The following FAM151B variants were observed in gnomAD, a reference collection of about 807,000 sequenced individuals.
FAM151B encodes family with sequence similarity 151 member B.
Under a neutral mutation model 31.2 loss-of-function variants are expected in FAM151B, and 24 were observed. That is an observed-to-expected ratio of 0.77 (90% CI 0.56 to 1.08). FAM151B has a LOEUF of 1.08. FAM151B is among the 50% of genes least tolerant of loss of function. The probability of loss-of-function intolerance (pLI) is 0.00; values close to 1 mark genes in which losing one functional copy is unlikely to be tolerated. For missense variants in FAM151B, 293 were observed against 328.6 expected, an observed-to-expected ratio of 0.89 and a Z score of 0.84; for synonymous variants, 105 against 111.4, an observed-to-expected ratio of 0.94 and a Z score of 0.36.
At chr5:80,498,971 A>G in intron 1 of FAM151B, 1 of 209,206 alleles carries the variant, frequency 4.8e-6, no homozygotes, top group Non-Finnish European at 9.9e-6. Context: ...GGTTTTTACG[A>G]AATCTGCATT....
intron 5 of FAM151B, among the ~76,000 whole-genome samples, chr5:80,539,845 A>G (rs978569767): frequency 2.0e-5 from 3 of 151,970 alleles, no homozygotes; most frequent in African/African-American, 7.3e-5. Flanking sequence ...TTATTTTTCA[A>G]AAGTTTTAAA....
chr5:80,502,771 T>C (rs1208267339), intron 2 of FAM151B, among the ~76,000 whole-genome samples: 1 of 152,218 alleles, frequency 6.6e-6, no homozygotes, highest in African/African-American at 2.4e-5. Context: ...CCTAATTCAT[T>C]ATATATCTCA....
intron 1 of FAM151B, among the ~76,000 whole-genome samples, chr5:80,493,673 G>A (rs1476310569): frequency 6.6e-6 from 1 of 152,072 alleles, no homozygotes; most frequent in Admixed American, 6.6e-5. Context: ...ATACACCCTG[G>A]CCTCCTGCAG....
chr5:80,514,658 C>G (rs1228460554), intron 3 of FAM151B, among the ~76,000 whole-genome samples: 1 of 152,010 alleles, frequency 6.6e-6, no homozygotes, highest in Non-Finnish European at 1.5e-5. Flanking sequence ...AGCAACACTT[C>G]AGAAGCACAC....
At chr5:80,537,989 T>C (rs1324538086) in intron 5 of FAM151B, among the ~76,000 whole-genome samples, 1 of 152,080 alleles carries the variant, frequency 6.6e-6, no homozygotes, top group Non-Finnish European at 1.5e-5. Context: ...TAACTACAAT[T>C]GTTAGTTTCT....
intron 5 of FAM151B, among the ~76,000 whole-genome samples, chr5:80,537,617 G>T (rs1420554541): frequency 1.3e-5 from 2 of 152,090 alleles, no homozygotes; most frequent in Non-Finnish European, 2.9e-5. Context: ...CATGTTACAG[G>T]TCTTCCTGTT....
At chr5:80,492,398 T>C (rs1201207626) in intron 1 of FAM151B, among the ~76,000 whole-genome samples, 1 of 152,166 alleles carries the variant, frequency 6.6e-6, no homozygotes, top group Non-Finnish European at 1.5e-5. Context: ...AAGTCAAACT[T>C]AATCTGTAAA....
Position 80,522,040 on chromosome 5 carries a change from A to G in FAM151B, c.573A>G (p.Ile191Met), listed in dbSNP as rs776106459. ...CAATGGTGAAAGAGATGGAATATAT[A>G]TGTAATGAACTAAGTCAGCCTGTAA... Reference protein sequence around the residue: ...SWTMVKEMEYICNELSQPVTF... With the variant: ...SWTMVKEMEYMCNELSQPVTF... The change falls in exon 5 of 6, where the codon ATA becomes ATG. Residue 191 changes from isoleucine to methionine, a missense_variant. Physicochemically the swap from Ile to Met is conservative, Grantham distance 10. Transcript: ENST00000282226. 5.0e-6 allele frequency: 8 copies of G among 1,610,098 alleles called. No individual in the cohort carries two copies. Among genetic ancestry groups the G allele is most frequent in the African/African-American group, 1.3e-5 (1 of 75,034 alleles).
intron 1 of FAM151B, among the ~76,000 whole-genome samples, chr5:80,496,602 C>G (rs1165781604): frequency 1.3e-5 from 2 of 151,988 alleles, no homozygotes; most frequent in Non-Finnish European, 2.9e-5. Context: ...AGAGTGAATT[C>G]TAATGTAAAC....
At chr5:80,538,434 T>TTC (rs1294522504) in intron 5 of FAM151B, among the ~76,000 whole-genome samples, 38 of 57,538 alleles carry the variant, frequency 6.6e-4, no homozygotes, top group African/African-American at 2.3e-3. Context: ...CTTTCTTTCT[T>TTC]TCTTTCTTTC....
chr5:80,529,788 C>G (rs900860876), intron 5 of FAM151B, among the ~76,000 whole-genome samples: 1 of 152,026 alleles, frequency 6.6e-6, no homozygotes, highest in Non-Finnish European at 1.5e-5. Context: ...GACGGATTCA[C>G]AGCTGAATCT....
intron 1 of FAM151B, among the ~76,000 whole-genome samples, chr5:80,496,799 ATTTTTTTTT>A (rs367658683): frequency 5.2e-5 from 3 of 57,762 alleles, no homozygotes; most frequent in Admixed American, 2.9e-4. Flanking sequence ...TTTTTGCTTA[ATTTTTTTTT>A]TTTTTTTTTT....
chr5:80,538,788 G>A (rs1374364568), intron 5 of FAM151B, among the ~76,000 whole-genome samples: 2 of 151,572 alleles, frequency 1.3e-5, no homozygotes, highest in African/African-American at 4.8e-5. Flanking sequence ...TAGTGGAGAC[G>A]GGGTTTTGCT....
intron 1 of FAM151B, chr5:80,500,078 A>G (rs1305577607): frequency 8.3e-6 from 2 of 240,476 alleles, no homozygotes; most frequent in Non-Finnish European, 1.6e-5. Flanking sequence ...CTAAAGAAGA[A>G]TGAGAACTTA....
intron 1 of FAM151B, among the ~76,000 whole-genome samples, chr5:80,496,618 A>C (rs1396934136): frequency 6.6e-6 from 1 of 152,106 alleles, no homozygotes; most frequent in African/African-American, 2.4e-5. Context: ...TAAACTATGG[A>C]CTTTAGTTAA....
In FAM151B at chr5:80,513,574, G is replaced by A. The variant is rs116525011; in HGVS notation, c.152-30G>A. On this transcript the variant is annotated intron_variant, in intron 2 of 5. Transcript: ENST00000282226. Reference sequence around the variant, plus strand: ...TGTAGTTCTGTGCCCTGTTTTCTTAGCATTAACTGAAGTTCTTTTATTTGG... The same window carrying A: ...TGTAGTTCTGTGCCCTGTTTTCTTAACATTAACTGAAGTTCTTTTATTTGG... The A allele has an allele frequency of 1.1e-3, 1,730 of 1,596,624 alleles. 25 individuals are homozygous for A. The African/African-American group carries it at 0.021, about 20-fold the overall frequency.
chr5:80,500,761 C>G (rs929201511), intron 1 of FAM151B: 117 of 1,292,206 alleles, frequency 9.1e-5, no homozygotes, highest in Non-Finnish European at 1.2e-4. Context: ...ATGGGGGTAC[C>G]CAAATCTGAA....
intron 2 of FAM151B, among the ~76,000 whole-genome samples, chr5:80,503,218 T>C (rs777926299): frequency 1.3e-5 from 2 of 152,192 alleles, no homozygotes; most frequent in Admixed American, 6.5e-5. Context: ...ATTGTGTTTA[T>C]AGAAAACAAA....
intron 1 of FAM151B, chr5:80,501,364 G>GC (rs1743738729): frequency 1.6e-6 from 2 of 1,276,276 alleles, no homozygotes; most frequent in South Asian, 2.4e-5. Flanking sequence ...TGGCAACAGG[G>GC]AGGACCAGAT....
Sources: allele counts gnomAD v4.1 joint callset (sites outside exome capture counted in the v4.1 genomes callset), GRCh38; gene constraint gnomAD v4.1.1; transcripts MANE v1.5; gene names NCBI Gene and HGNC (gene_info 2026-07-23, HGNC 2026-07-21).